DHTKD1: variants seen among roughly 807,000 people sequenced by gnomAD.
DHTKD1 encodes the protein dehydrogenase E1 and transketolase domain containing 1.
DHTKD1 carries 78 observed loss-of-function variants against 101.8 expected under a neutral mutation model. That is an observed-to-expected ratio of 0.77 (90% confidence interval 0.64 to 0.93). The LOEUF is 0.93. DHTKD1 is among the 40% of genes least tolerant of loss of function. The pLI is 0.00. For synonymous variants in DHTKD1, 462 were observed against 450.3 expected, an observed-to-expected ratio of 1.03 and a Z score of -0.33; for missense variants, 1,223 against 1,161.7, an observed-to-expected ratio of 1.05 and a Z score of -0.77.
chr10:12,112,994 G>A lies in DHTKD1; in HGVS notation c.2249G>A (p.Arg750Lys). The change falls in exon 13 of 17, where the codon AGG becomes AAG. Residue 750 changes from arginine to lysine, a missense_variant. Coordinates refer to ENST00000263035, the MANE Select transcript of DHTKD1 (RefSeq NM_018706.7). ...CCTGCACAGTATTTCCACTTGCTTA[G>A]GAGACAGATGGTCCGGAACTTCAGA... is the stretch of plus-strand genomic sequence containing the variant. ...TTPAQYFHLL[R>K]RQMVRNFRKP... The A allele has an allele frequency of 6.2e-7, 1 of 1,613,848 alleles. No homozygotes were observed.
chr10:12,072,849 G>T (rs896586896), intron 1 of DHTKD1, among the ~76,000 whole-genome samples: 1 of 151,566 alleles, frequency 6.6e-6, no homozygotes, highest in East Asian at 1.9e-4. Context: ...TGATTCTCCT[G>T]CCTCAGCCTC....
intron 1 of DHTKD1, among the ~76,000 whole-genome samples, chr10:12,079,273 G>A (rs1331381539): frequency 6.6e-6 from 1 of 152,098 alleles, no homozygotes; most frequent in Non-Finnish European, 1.5e-5. Flanking sequence ...GTTGGGCAAA[G>A]AGAAGTCCCT....
chr10:12,069,306 TGGGGA>T, intron 1 of DHTKD1, 119 bp downstream of exon 1: 2 of 170,594 alleles, frequency 1.2e-5, no homozygotes, highest in Non-Finnish European at 2.0e-5. Flanking sequence ...GCGCGGCCGG[TGGGGA>T]GGAGGGGGAG....
chr10:12,111,326 C>T (rs925669612), intron 12 of DHTKD1, among the ~76,000 whole-genome samples: 2 of 152,010 alleles, frequency 1.3e-5, no homozygotes, highest in South Asian at 2.1e-4. Flanking sequence ...CCACGATGCC[C>T]GGCTAATTTT....
At chr10:12,111,883 TA>T (rs1292786483) in intron 12 of DHTKD1, among the ~76,000 whole-genome samples, 1 of 152,158 alleles carries the variant, frequency 6.6e-6, no homozygotes, top group East Asian at 1.9e-4. Context: ...GATTCTAAAG[TA>T]AGACCATTGG....
intron 16 of DHTKD1, 146 bp downstream of exon 16, chr10:12,120,413 A>T: frequency 1.5e-6 from 1 of 652,120 alleles, no homozygotes; most frequent in Non-Finnish European, 2.6e-6. Flanking sequence ...AGCTCACTGC[A>T]AGCTCCGCCC....
chr10:12,094,252 A>C lies in DHTKD1; in HGVS notation c.1339A>C (p.Ile447Leu). ...GGATGAGCCATTCTACACCAACCCC[A>C]TCATGTACAAAATCATCAGGTACAA... ...ELDEPFYTNP[I>L]MYKIIRARKS... The change falls in exon 7 of 17, where the codon ATC (isoleucine) becomes CTC (leucine). Residue 447 changes from isoleucine (I) to leucine (L), a missense_variant. By Grantham distance (5) the Ile-to-Leu change is conservative. Transcript: ENST00000263035. 6.2e-7 allele frequency: 1 copy of C among 1,614,138 alleles called. No individual in the cohort carries two copies. The highest frequency in any genetic ancestry group is 1.1e-5 in the South Asian group (1 of 91,080).
At chr10:12,104,004 A>C (rs1833209566) in intron 10 of DHTKD1, among the ~76,000 whole-genome samples, 1 of 151,530 alleles carries the variant, frequency 6.6e-6, no homozygotes, top group Non-Finnish European at 1.5e-5. Flanking sequence ...GTCACTGCCC[A>C]TTCCTTCCTC....
In DHTKD1 at chr10:12,089,177, C is replaced by G. The variant is rs980275218; in HGVS notation, c.909C>G (p.Gly303=). Residue 303 remains glycine (G), a synonymous_variant, in exon 5 of 17, where the codon GGC becomes GGG. Transcript: ENST00000263035. ...CCGTGGCCGTGGGCAAAACTCGCGG[C>G]AGGCAGCAGTCTCGCCAAGACGGCG... ...VNPVAVGKTR[G]RQQSRQDGDY... is the part of the protein sequence containing the mutation. 1.2e-6 allele frequency: 2 copies of G among 1,614,202 alleles called. No individual in the cohort carries two copies. The highest frequency in any genetic ancestry group is 1.7e-6 in the Non-Finnish European group (2 of 1,180,032).
intron 1 of DHTKD1, among the ~76,000 whole-genome samples, chr10:12,070,427 A>G (rs1351829131): frequency 6.6e-6 from 1 of 152,104 alleles, no homozygotes; most frequent in Non-Finnish European, 1.5e-5. Flanking sequence ...ACACACTAGA[A>G]CTTCAATATT....
At chr10:12,098,480 TTAAGTGC>T (rs1833107939) in intron 8 of DHTKD1, among the ~76,000 whole-genome samples, 1 of 152,286 alleles carries the variant, frequency 6.6e-6, no homozygotes, top group Non-Finnish European at 1.5e-5. Context: ...ATGTGGGACT[TTAAGTGC>T]TAAAACAAGG....
At position 12,107,989 on chromosome 10, in the gene DHTKD1, T is replaced by G. The variant is rs1354979777; in HGVS notation, c.2128T>G (p.Ser710Ala). Residue 710 changes from serine to alanine, a missense_variant, in exon 12 of 17, where the codon TCC becomes GCC. By Grantham distance (99) the Ser-to-Ala change is moderately conservative. Coordinates refer to ENST00000263035, the MANE Select transcript of DHTKD1 (RefSeq NM_018706.7). This position sits in a 1 kb window ranked among gnomAD's most constrained non-coding sequence, Gnocchi z 4.1. ...CGATGGGGCTGGGCCAGACCACTCA[T>G]CCTGTCGAATAGAGCGTTTCCTGCA... is the stretch of plus-strand genomic sequence containing the variant. Reference protein sequence around the residue: ...GYDGAGPDHSSCRIERFLQMC... With the variant: ...GYDGAGPDHSACRIERFLQMC... The G allele has an allele frequency of 6.2e-7, 1 of 1,613,922 alleles. No homozygotes were observed. The highest frequency in any genetic ancestry group is 8.5e-7 in the Non-Finnish European group (1 of 1,179,830).
At position 12,106,305 on chromosome 10, in the gene DHTKD1, T is replaced by C. The variant is rs375353018; in HGVS notation, c.1956T>C (p.Ile652=). ...AVLGFEYGMS[I]ESPKLLPLWE... ...TGGGATTTGAATATGGGATGAGCAT[T>C]GAGAGCCCAAAGTTACTGCCCCTGT... is the stretch of plus-strand genomic sequence containing the variant. The change falls in exon 11 of 17, where the codon ATT becomes ATC. Residue 652 remains isoleucine (I), a synonymous_variant. Coordinates refer to ENST00000263035, the MANE Select transcript of DHTKD1 (RefSeq NM_018706.7). The C allele has an allele frequency of 2.2e-5, 36 of 1,613,896 alleles. No individual in the cohort carries two copies. In the African/African-American group the frequency reaches 4.7e-4, roughly 21 times the overall value.
At chr10:12,114,034 C>CTTTTT (rs59823196) in intron 13 of DHTKD1, among the ~76,000 whole-genome samples, 6 of 129,980 alleles carry the variant, frequency 4.6e-5, no homozygotes, top group Non-Finnish European at 1.0e-4. Context: ...ATTTGTCATT[C>CTTTTT]TTTTTTTTTT....
At position 12,113,008 on chromosome 10, in the gene DHTKD1, C is replaced by T. The variant is rs553531625; in HGVS notation, c.2263C>T (p.Arg755Trp). 4.0e-5 allele frequency: 65 copies of T among 1,613,564 alleles called. No individual in the cohort carries two copies. The highest frequency in any genetic ancestry group is 4.9e-5 in the Non-Finnish European group (58 of 1,179,828). The stretch of plus-strand genomic sequence containing the variant: ...CCACTTGCTTAGGAGACAGATGGTC[C>T]GGAACTTCAGAAAACCACTCATTGT... ...YFHLLRRQMV[R>W]NFRKPLIVAS... is the part of the protein sequence containing the mutation. The change falls in exon 13 of 17, where the codon CGG becomes TGG. Residue 755 changes from arginine to tryptophan, a missense_variant. By Grantham distance (101) the Arg-to-Trp change is moderately radical. Transcript: ENST00000263035.
chr10:12,073,609 G>GT (rs1248969477), intron 1 of DHTKD1, among the ~76,000 whole-genome samples: 1 of 152,170 alleles, frequency 6.6e-6, no homozygotes, highest in East Asian at 1.9e-4. Flanking sequence ...AGGCTTTTCT[G>GT]AAGGCTGCAG....
At chr10:12,099,668 A>G (rs528542783) in intron 8 of DHTKD1, among the ~76,000 whole-genome samples, 26 of 152,196 alleles carry the variant, frequency 1.7e-4, no homozygotes, top group Non-Finnish European at 3.2e-4. Flanking sequence ...AGCCTGCGTG[A>G]CAGAGTGAGA....
intron 1 of DHTKD1, among the ~76,000 whole-genome samples, chr10:12,076,804 G>A (rs950481580): frequency 6.6e-6 from 1 of 151,712 alleles, no homozygotes; most frequent in Non-Finnish European, 1.5e-5. Flanking sequence ...GACTACAGGT[G>A]CCCGCCACCA....
At position 12,107,358 on chromosome 10, in the gene DHTKD1, G is replaced by A. The variant is rs1323702552; in HGVS notation, c.2048-551G>A. 6.6e-6 allele frequency among the ~76,000 whole-genome samples: 1 copy of A among 151,964 alleles called. No individual in the cohort carries two copies. The highest frequency in any genetic ancestry group is 1.5e-5 in the Non-Finnish European group (1 of 67,992). ...CGGCATGTGCTGTCCAGGAAGCTGG[G>A]AACGTTCCCCTTTGAGTTTGTCTTC... On this transcript the variant is annotated intron_variant, in intron 11 of 16. Transcript: ENST00000263035. The surrounding 1 kb of genome is among the most constrained non-coding windows in gnomAD (Gnocchi z 4.1).
Sources: gnomAD v4.1 joint callset for allele counts (sites outside exome capture counted in the v4.1 genomes callset) on GRCh38, gnomAD v4.1.1 for gene constraint, Gnocchi (gnomAD v3.1) non-coding constraint, MANE v1.5 for transcripts, NCBI Gene and HGNC (gene_info 2026-07-23, HGNC 2026-07-21) for gene names.